CUL4B: variants seen among roughly 807,000 people sequenced by gnomAD.
CUL4B encodes the protein cullin 4B.
In CUL4B, 1 loss-of-function variant was observed where a neutral mutation model predicts 69.2. That is an observed-to-expected ratio of 0.01 (90% CI 0.01 to 0.07). CUL4B has a LOEUF of 0.07. Ranked by LOEUF, CUL4B falls within the 10% of genes least tolerant of loss-of-function variation. The probability of loss-of-function intolerance (pLI) is 1.00; values close to 1 mark genes in which losing one functional copy is unlikely to be tolerated. For missense variants in CUL4B, 328 were observed against 638.8 expected, an observed-to-expected ratio of 0.51 and a Z score of 5.24; for synonymous variants, 237 against 223.2, an observed-to-expected ratio of 1.06 and a Z score of -0.55.
chrX:120,549,472 G>A (rs1366494353), intron 2 of CUL4B, among the ~76,000 whole-genome samples: 6 of 111,661 alleles, frequency 5.4e-5, no homozygotes, highest in East Asian at 2.8e-4. Context: ...CAACCCGGGC[G>A]GTGGAGGTTG....
At chrX:120,533,958 C>T (rs778742058) in intron 17 of CUL4B, among the ~76,000 whole-genome samples, 2 of 110,350 alleles carry the variant, frequency 1.8e-5, no homozygotes, top group East Asian at 5.7e-4. Flanking sequence ...CCCAGCTACT[C>T]GGGAGGCAGA....
downstream of CUL4B, among the ~76,000 whole-genome samples, chrX:120,569,639 C>T (rs746823585): frequency 1.8e-5 from 2 of 111,902 alleles, no homozygotes; most frequent in East Asian, 2.8e-4. Flanking sequence ...GGATTACAGG[C>T]GTGAGCCACC....
intron 3 of CUL4B, 108 bp downstream of exon 3, chrX:120,547,028 C>G: frequency 1.9e-6 from 1 of 538,413 alleles, no homozygotes; most frequent in Non-Finnish European, 3.2e-6. Flanking sequence ...CAAAAAATGA[C>G]AAACCTACAA....
rs772933670 is a variant in CUL4B at position 120,540,482 on chromosome X, A to C, written c.1524T>G (p.Val508=). Residue 508 remains valine (V), a synonymous_variant, in exon 11 of 20, where the codon GTT becomes GTG. Transcript: ENST00000371322. ...GAAAGCAGATATCAATTATATGGTC[A>C]ACCTTATCTTTAAAATCCAGCAATT... is the stretch of plus-strand genomic sequence containing the variant. The part of the protein sequence containing the change: ...VQELLDFKDK[V]DHIIDICFLK... 8.3e-7 allele frequency: 1 copy of C among 1,201,285 alleles called. No individual in the cohort carries two copies. Among genetic ancestry groups the C allele is most frequent in the Non-Finnish European group, 1.1e-6 (1 of 886,758 alleles).
downstream of CUL4B, among the ~76,000 whole-genome samples, chrX:120,569,509 C>T (rs777832630): frequency 7.4e-3 from 814 of 110,148 alleles, 8 homozygotes; most frequent in African/African-American, 0.024. Flanking sequence ...TACAGGCGCC[C>T]GCCACCACGC....
chrX:120,528,576 C>T (rs938171071), intron 19 of CUL4B, among the ~76,000 whole-genome samples: 7 of 109,693 alleles, frequency 6.4e-5, no homozygotes, highest in African/African-American at 2.0e-4. Context: ...CAAAAATTAG[C>T]CAGGCGTGAT....
At chrX:120,532,898 C>CT (rs1312429617) in intron 17 of CUL4B, among the ~76,000 whole-genome samples, 2 of 111,819 alleles carry the variant, frequency 1.8e-5, no homozygotes, top group Non-Finnish European at 3.8e-5. Flanking sequence ...CGCCCGGCCC[C>CT]TAGTCCTCTT....
chrX:120,558,454 C>T (rs1925105288), intron 1 of CUL4B, among the ~76,000 whole-genome samples: 1 of 111,426 alleles, frequency 9.0e-6, no homozygotes, highest in African/African-American at 3.3e-5. Context: ...CCAACAATAC[C>T]CTGAGGAATC....
intron 16 of CUL4B, among the ~76,000 whole-genome samples, chrX:120,535,347 T>C (rs1267726809): frequency 9.0e-6 from 1 of 111,140 alleles, no homozygotes; most frequent in South Asian, 3.7e-4. Flanking sequence ...TACTTAAAAA[T>C]ACATAAAGCT....
downstream of CUL4B, among the ~76,000 whole-genome samples, chrX:120,568,611 T>G (rs1267699068): frequency 8.9e-6 from 1 of 112,380 alleles, no homozygotes; most frequent in Non-Finnish European, 1.9e-5. Flanking sequence ...CAGCAACGCA[T>G]GGTGCTAGAT....
upstream of CUL4B, among the ~76,000 whole-genome samples, chrX:120,565,463 C>T (rs1467512887): frequency 9.2e-6 from 1 of 108,534 alleles, no homozygotes; most frequent in Admixed American, 9.9e-5. Context: ...GTGGGTGGAT[C>T]ACTTGGCCAG....
upstream of CUL4B, chrX:120,561,169 C>T: frequency 1.2e-6 from 1 of 826,751 alleles, no homozygotes; most frequent in Non-Finnish European, 1.7e-6. Context: ...CTGCAGCCGC[C>T]CGGGGGGCGG....
intron 17 of CUL4B, among the ~76,000 whole-genome samples, chrX:120,533,456 T>A (rs759355752): frequency 2.7e-5 from 3 of 111,911 alleles, no homozygotes; most frequent in Non-Finnish European, 5.7e-5. Context: ...CACTATTCTA[T>A]GTTACAATTA....
At chrX:120,538,280 C>T in intron 13 of CUL4B, 71 bp from the exon 14 acceptor site, 1 of 680,892 alleles carries the variant, frequency 1.5e-6, no homozygotes, top group Non-Finnish European at 2.3e-6. Context: ...AAGTGGGAAA[C>T]ACGAAATACA....
intron 2 of CUL4B, among the ~76,000 whole-genome samples, chrX:120,551,129 C>A (rs1452527093): frequency 1.8e-5 from 2 of 111,747 alleles, no homozygotes; most frequent in African/African-American, 3.3e-5. Context: ...GCCTTTCTAA[C>A]TTCCCCACCA....
At chrX:120,551,254 T>C (rs756548714) in intron 2 of CUL4B, among the ~76,000 whole-genome samples, 4 of 110,168 alleles carry the variant, frequency 3.6e-5, no homozygotes, top group African/African-American at 1.3e-4. Flanking sequence ...TCGCCCAGAT[T>C]GGGGTGCAAT....
At chrX:120,534,386 A>G in intron 17 of CUL4B, 95 bp downstream of exon 17, 2 of 635,994 alleles carry the variant, frequency 3.1e-6, no homozygotes, top group Non-Finnish European at 5.2e-6. Context: ...AACTCAAAAC[A>G]GTTCTGAGGC....
Position 120,543,707 on chromosome X carries a change from A to G in CUL4B, c.1256+20T>C, listed in dbSNP as rs1318465487. On this transcript the variant is annotated intron_variant, in intron 8 of 19. Transcript: ENST00000371322. The stretch of plus-strand genomic sequence containing the variant: ...TTTAACGACAGTTTAAGACTATTAA[A>G]TTCAGCATGTGGTACTTACTGGGTG... 1.8e-6 allele frequency: 2 copies of G among 1,119,543 alleles called. No homozygotes were observed. Among genetic ancestry groups the G allele is most frequent in the East Asian group, 3.0e-5 (1 of 33,459 alleles). The allele number at this position is 1,119,543 out of a possible 1,213,427, so 92.3% of individuals were successfully genotyped here.
rs190182456 is a variant in CUL4B at position 120,560,120 on chromosome X, A to C, written c.519T>G (p.Pro173=). The change falls in exon 1 of 20, where the codon CCT becomes CCG. Residue 173 remains proline (P), a synonymous_variant. Transcript: ENST00000371322. ...TTVSSFANSK[P]GSAKKLVIKN... The stretch of plus-strand genomic sequence containing the variant: ...TGATCACTAACTTCTTAGCAGAGCC[A>C]GGTTTGCTGTTAGCAAAGCTAGAGA... 8.3e-6 allele frequency: 10 copies of C among 1,210,413 alleles called. No homozygotes were observed. The East Asian group carries it at 3.0e-4, about 36-fold the overall frequency.
Sources: gnomAD v4.1 joint callset for allele counts (sites outside exome capture counted in the v4.1 genomes callset) on GRCh38, gnomAD v4.1.1 for gene constraint, MANE v1.5 for transcripts, NCBI Gene and HGNC (gene_info 2026-07-23, HGNC 2026-07-21) for gene names.